NAGPA: variants seen among roughly 807,000 people sequenced by gnomAD.
NAGPA encodes alpha-N-acetylglucosaminyl phosphodiesterase.
NAGPA carries 56 observed loss-of-function variants against 48.5 expected under a neutral mutation model. The observed-to-expected ratio is 1.15, with a 90% CI of 0.93 to 1.44. The LOEUF (loss-of-function observed/expected upper bound fraction) is 1.44. Among genes scored for constraint, NAGPA ranks in the 40% most tolerant of loss-of-function variants. The pLI is 0.00. For missense variants in NAGPA, 888 were observed against 735.0 expected, an observed-to-expected ratio of 1.21 and a Z score of -2.41; for synonymous variants, 399 against 315.5, an observed-to-expected ratio of 1.26 and a Z score of -2.81.
At position 5,025,663 on chromosome 16, in the gene NAGPA, G is replaced by C; in HGVS notation, c.1363C>G (p.Leu455Val). 4 of 1,612,348 alleles carry C rather than the reference G, an allele frequency of 2.5e-6. No individual in the cohort carries two copies. In the South Asian group the frequency reaches 4.4e-5, roughly 18 times the overall value. ...FTRTAWLALT[L>V]ALAFLLLIST... ...ATCAGCAGGAGGAAGGCCAGCGCCA[G>C]GGTGAGGGCTAGCCAGGCGGTCCTG... Residue 455 changes from leucine to valine, a missense_variant, in exon 10 of 10, where the codon CTG (leucine) becomes GTG (valine). Transcript: ENST00000312251.
At chr16:5,028,823 A>G in intron 5 of NAGPA, 57 bp downstream of exon 5, 2 of 1,612,510 alleles carry the variant, frequency 1.2e-6, no homozygotes, top group Non-Finnish European at 1.7e-6. Flanking sequence ...GCTGAATGAG[A>G]CAGGCTGGGG....
At chr16:5,026,954 T>C (rs559417597) in intron 9 of NAGPA, among the ~76,000 whole-genome samples, 181 bp downstream of exon 9, 2 of 152,246 alleles carry the variant, frequency 1.3e-5, no homozygotes, top group East Asian at 3.9e-4. Flanking sequence ...GGCTGGGCAC[T>C]CGAAGGCCCT....
Position 5,025,539 on chromosome 16 carries a change from C to G in NAGPA, c.1487G>C (p.Gly496Ala). ...CTCCTTCTCTGCGGCCAGAGGCTCCCCGTTCATCTCCTGCAGCGGGTGGTA... is the reference window on the plus strand; with the variant it reads ...CTCCTTCTCTGCGGCCAGAGGCTCCGCGTTCATCTCCTGCAGCGGGTGGTA... The part of the protein sequence containing the change: ...YAYHPLQEMN[G>A]EPLAAEKEQP... Residue 496 changes from glycine (G) to alanine (A), a missense_variant, in exon 10 of 10, where the codon GGG becomes GCG. Physicochemically the swap from Gly to Ala is moderately conservative, Grantham distance 60 (BLOSUM62 0). Transcript: ENST00000312251. The G allele has an allele frequency of 1.2e-6, 2 of 1,613,342 alleles. No individual in the cohort carries two copies. The highest frequency in any genetic ancestry group is 1.7e-6 in the Non-Finnish European group (2 of 1,180,010).
rs1448917796 is a variant in NAGPA, at chr16:5,025,930, T to A, written c.1341-245A>T. On this transcript the variant is annotated intron_variant, in intron 9 of 9. Coordinates refer to ENST00000312251, the MANE Select transcript of NAGPA (RefSeq NM_016256.4). ...GGTCCGTGCTGCCCCATCTCCTGAT[T>A]TTTTTTTTTTTTTTTTGAGACAGAG... 2.7e-5 allele frequency among the ~76,000 whole-genome samples: 4 copies of A among 145,612 alleles called. No homozygotes were observed. The East Asian group carries it at 8.0e-4, about 29-fold the overall frequency.
In NAGPA at chr16:5,027,996, G is replaced by A. The variant is rs556327721; in HGVS notation, c.1110C>T (p.His370=). The change falls in exon 6 of 10, where the codon CAC becomes CAT. Residue 370 remains histidine (H), a synonymous_variant. Coordinates refer to ENST00000312251, the MANE Select transcript of NAGPA (RefSeq NM_016256.4). ...LDCGPSNCSQ[H]GLCTETGCRC... ...CCCACTCACTCTCCGTGCACAGTCC[G>A]TGCTGGCTGCAGTTAGAGGGGCCAC... is the stretch of plus-strand genomic sequence containing the variant. 1.3e-5 allele frequency: 20 copies of A among 1,597,530 alleles called. No individual in the cohort carries two copies. Among genetic ancestry groups the A allele is most frequent in the Middle Eastern group, 1.7e-4 (1 of 5,966 alleles).
At chr16:5,028,271 C>A (rs1358321503) in intron 5 of NAGPA, 86 bp from the exon 6 acceptor site, 1 of 1,546,466 alleles carries the variant, frequency 6.5e-7, no homozygotes, top group Admixed American at 2.0e-5. Flanking sequence ...ACCCCTCTCT[C>A]CATTCTCACC....
At chr16:5,027,234 G>T in intron 8 of NAGPA, 36 bp from the exon 9 acceptor site, 1 of 1,614,192 alleles carries the variant, frequency 6.2e-7, no homozygotes, top group Non-Finnish European at 8.5e-7. Context: ...AGGGGCCGGA[G>T]CAGGAGCGTC....
At chr16:5,030,301 A>G in intron 4 of NAGPA, 84 bp downstream of exon 4, 1 of 1,250,462 alleles carries the variant, frequency 8.0e-7, no homozygotes, top group Non-Finnish European at 1.1e-6. Context: ...AAGCAGGTAG[A>G]GTCAGAGGGT....
chr16:5,028,420 A>G (rs1956042877), intron 5 of NAGPA: 1 of 833,998 alleles, frequency 1.2e-6, no homozygotes, highest in Non-Finnish European at 2.0e-6. Context: ...TTATTTTTTC[A>G]TAAAGACAGG....
chr16:5,033,930 C>G lies in NAGPA; in HGVS notation c.-16G>C. ...AGGTCGCCATATTGGACCGGGGCCT[C>G]GGGTCATGTGGGCTCGCCTCACGTG... On this transcript the variant is annotated 5_prime_UTR_variant, in exon 1 of 10. Transcript: ENST00000312251. The surrounding 1 kb of genome is among the most constrained non-coding windows in gnomAD (Gnocchi z 4.2). 2 of 1,548,400 alleles carry G rather than the reference C, an allele frequency of 1.3e-6. No individual in the cohort carries two copies. The highest frequency in any genetic ancestry group is 1.7e-6 in the Non-Finnish European group (2 of 1,146,626).
rs969769612 is a variant in NAGPA, at chr16:5,028,168, C to T, written c.938G>A (p.Arg313His). ...PSDHCQDNMW[R>H]CPRQVSTVVC... ...CACGGTGGACACTTGGCGGGGACAG[C>T]GCCACATGTTGTCCTGGCTGTAGAG... Residue 313 changes from arginine (R) to histidine (H), a missense_variant, in exon 6 of 10, where the codon CGC (arginine) becomes CAC (histidine). Coordinates refer to ENST00000312251, the MANE Select transcript of NAGPA (RefSeq NM_016256.4). The T allele has an allele frequency of 1.9e-6, 3 of 1,567,982 alleles. No individual in the cohort carries two copies. Among genetic ancestry groups the T allele is most frequent in the Non-Finnish European group, 2.6e-6 (3 of 1,156,038 alleles).
chr16:5,028,753 G>A, intron 5 of NAGPA, 127 bp downstream of exon 5: 3 of 1,472,620 alleles, frequency 2.0e-6, no homozygotes, highest in Non-Finnish European at 2.8e-6. Flanking sequence ...GGGAGGGACT[G>A]CAGCAATTTC....
Position 5,028,963 on chromosome 16 carries a change from C to A in NAGPA, c.837G>T (p.Val279=), listed in dbSNP as rs776997471. 4 of 1,613,978 alleles carry A rather than the reference C, an allele frequency of 2.5e-6. No individual in the cohort carries two copies. Among genetic ancestry groups the A allele is most frequent in the Non-Finnish European group, 3.4e-6 (4 of 1,180,046 alleles). Residue 279 remains valine (V), a synonymous_variant, in exon 5 of 10, where the codon GTG becomes GTT. Coordinates refer to ENST00000312251, the MANE Select transcript of NAGPA (RefSeq NM_016256.4). The part of the protein sequence containing the change: ...EMAEFLLKQD[V]VNAINLDGGG... Reference sequence around the variant, plus strand: ...CCCCATCCAGGTTGATGGCGTTGACCACGTCCTGTTTCAGCAGGAACTCCG... The same window carrying A: ...CCCCATCCAGGTTGATGGCGTTGACAACGTCCTGTTTCAGCAGGAACTCCG...
chr16:5,026,474 T>G (rs548284125), intron 9 of NAGPA, among the ~76,000 whole-genome samples: 2 of 151,918 alleles, frequency 1.3e-5, no homozygotes, highest in Non-Finnish European at 2.9e-5. Context: ...GCGGAGGTTG[T>G]GGTGAGCTGA....
chr16:5,031,710 C>G, intron 3 of NAGPA, 35 bp downstream of exon 3: 1 of 1,613,900 alleles, frequency 6.2e-7, no homozygotes. Context: ...TCCTGGTTCT[C>G]GAGAGGGTTG....
intron 4 of NAGPA, chr16:5,029,666 T>C (rs1347882109): frequency 2.5e-5 from 4 of 160,726 alleles, no homozygotes; most frequent in Admixed American, 1.2e-4. Context: ...CTCACGCCTG[T>C]TAATTCCAGC....
At position 5,026,076 on chromosome 16, in the gene NAGPA, G is replaced by A. The variant is rs536570648; in HGVS notation, c.1341-391C>T. 5.6e-4 allele frequency among the ~76,000 whole-genome samples: 85 copies of A among 151,832 alleles called. 1 individual carries two copies. The highest frequency in any genetic ancestry group is 1.8e-3 in the Admixed American group (27 of 15,276). ...CCCGAGTAGCTGGGACTACAGGCTC[G>A]AATCACCACGCCTGGCTAATTTTCG... On this transcript the variant is annotated intron_variant, in intron 9 of 9. Coordinates refer to ENST00000312251, the MANE Select transcript of NAGPA (RefSeq NM_016256.4).
At chr16:5,031,104 A>ATTT in intron 3 of NAGPA, 1 of 152,722 alleles carries the variant, frequency 6.5e-6, no homozygotes, top group Non-Finnish European at 1.4e-5. Context: ...TAATTTTTGT[A>ATTT]TTTTTTTTTT....
Position 5,033,517 on chromosome 16 carries a change from G to C in NAGPA, c.298C>G (p.Pro100Ala). ...VAGHLTRAVE[P>A]LRTFSVLEPG... ...TCCAGCACCGAGAAGGTGCGCAGGG[G>C]CTCAACGGCCCGCGTCAGGTGGCCG... Residue 100 changes from proline (P) to alanine (A), a missense_variant, in exon 2 of 10, where the codon CCC becomes GCC. Coordinates refer to ENST00000312251, the MANE Select transcript of NAGPA (RefSeq NM_016256.4). This position sits in a 1 kb window ranked among gnomAD's most constrained non-coding sequence, Gnocchi z 4.2. The C allele has an allele frequency of 1.3e-6, 2 of 1,527,382 alleles. No individual in the cohort carries two copies. The highest frequency in any genetic ancestry group is 8.7e-7 in the Non-Finnish European group (1 of 1,146,496). 94.6% of individuals were successfully genotyped at this position (1,527,382 alleles called of 1,614,324 possible). A position where few individuals can be genotyped will look rare whatever the true frequency, so the allele number is the denominator to read the frequency against.
Sources: allele counts gnomAD v4.1 joint callset (sites outside exome capture counted in the v4.1 genomes callset), GRCh38; gene constraint gnomAD v4.1.1; non-coding constraint Gnocchi (gnomAD v3.1); transcripts MANE v1.5; gene names NCBI Gene and HGNC (gene_info 2026-07-23, HGNC 2026-07-21).